Variants in UNC45B observed in about 807,000 individuals in gnomAD.
UNC45B encodes the protein protein unc-45 homolog B.
Under a neutral mutation model 98.7 loss-of-function variants are expected in UNC45B, and 78 were observed. The ratio of observed to expected loss-of-function variants is 0.79; its 90% CI spans 0.66 to 0.95. UNC45B has a LOEUF of 0.95. Among genes scored for constraint, UNC45B ranks in the 40% least tolerant of loss-of-function variants. The pLI is 0.00. For missense variants in UNC45B, 1,225 were observed against 1,184.9 expected, an observed-to-expected ratio of 1.03 and a Z score of -0.50; for synonymous variants, 462 against 480.4, an observed-to-expected ratio of 0.96 and a Z score of 0.50.
At chr17:35,182,325 G>A (rs180827506) in intron 18 of UNC45B, among the ~76,000 whole-genome samples, 10 of 152,042 alleles carry the variant, frequency 6.6e-5, no homozygotes, top group East Asian at 3.9e-4. Context: ...TCCTGACCTC[G>A]TGGTCTGCCT....
At position 35,186,438 on chromosome 17, in the gene UNC45B, T is replaced by G; in HGVS notation, c.2669T>G (p.Leu890Arg). Reference sequence around the variant, plus strand: ...AAGAAGCTGGTGGAGAGTGAGCTGCTGGAGATCCTGACTGTGGTGGGCAAA... The same window carrying G: ...AAGAAGCTGGTGGAGAGTGAGCTGCGGGAGATCCTGACTGTGGTGGGCAAA... ...LAKKLVESEL[L>R]EILTVVGKQE... The change falls in exon 20 of 20, where the codon CTG becomes CGG. Residue 890 changes from leucine to arginine, a missense_variant. By Grantham distance (102) the Leu-to-Arg change is moderately radical (BLOSUM62 -2). Coordinates refer to ENST00000394570, the MANE Select transcript of UNC45B (RefSeq NM_001267052.2). The G allele has an allele frequency of 6.2e-7, 1 of 1,614,212 alleles. No individual in the cohort carries two copies. Among genetic ancestry groups the G allele is most frequent in the Admixed American group, 1.7e-5 (1 of 60,024 alleles).
rs534465542 is a variant in UNC45B at position 35,169,765 on chromosome 17, T to G, written c.1453-72T>G. On this transcript the variant is annotated intron_variant, in intron 10 of 19. Transcript: ENST00000394570. ...AGTGTTCTGGCCATAGAAACCTGTT[T>G]GAGCAAGGCTTCATCCCCAAGCCTT... 290 of 1,382,604 alleles carry G rather than the reference T, an allele frequency of 2.1e-4. 1 individual carries two copies. The African/African-American group carries it at 3.8e-3, about 18-fold the overall frequency. The allele number at this position is 1,382,604 out of a possible 1,614,324, so 85.6% of individuals were successfully genotyped here. A position where few individuals can be genotyped will look rare whatever the true frequency, so the allele number is the denominator to read the frequency against.
rs113076257 is a variant in UNC45B at position 35,167,185 on chromosome 17, G to T, written c.1152-876G>T. On this transcript the variant is annotated intron_variant, in intron 9 of 19. Transcript: ENST00000394570. ...GCATCACGCTAGGCCTTTTTGTGTT[G>T]TTGTCAATGCTGTACTGTCCTCCCA... is the stretch of plus-strand genomic sequence containing the variant. Among the ~76,000 whole-genome samples the T allele has an allele frequency of 4.6e-3, 700 of 152,302 alleles. 8 individuals are homozygous for T. Among genetic ancestry groups the T allele is most frequent in the African/African-American group, 0.015 (643 of 41,556 alleles).
chr17:35,148,706 C>T (rs927677239), intron 2 of UNC45B, among the ~76,000 whole-genome samples: 4 of 152,120 alleles, frequency 2.6e-5, no homozygotes, highest in African/African-American at 9.7e-5. Flanking sequence ...CTCCCCCTAT[C>T]GCAGGTAAGA....
intron 14 of UNC45B, among the ~76,000 whole-genome samples, chr17:35,174,586 C>G (rs1567765526): frequency 6.6e-6 from 1 of 152,066 alleles, no homozygotes; most frequent in African/African-American, 2.4e-5. Context: ...TTGGGAGGCC[C>G]AGGTGGGAGG....
At chr17:35,148,041 T>G in intron 1 of UNC45B, 131 bp downstream of exon 1, 2 of 551,558 alleles carry the variant, frequency 3.6e-6, no homozygotes, top group African/African-American at 1.9e-5. Context: ...GGACAGAGAG[T>G]GAGGCACAGG....
intron 5 of UNC45B, among the ~76,000 whole-genome samples, chr17:35,154,027 C>T (rs899993563): frequency 6.6e-6 from 1 of 152,064 alleles, no homozygotes; most frequent in Non-Finnish European, 1.5e-5. Context: ...AGAGAAGTGC[C>T]GTGACTCACC....
Position 35,149,906 on chromosome 17 carries a change from G to T in UNC45B, c.206-142G>T. 3.5e-6 allele frequency: 3 copies of T among 851,338 alleles called. No homozygotes were observed. The East Asian group carries it at 8.7e-5, about 25-fold the overall frequency. The allele number at this position is 851,338 out of a possible 1,614,324, so 52.7% of individuals were successfully genotyped here. A position where few individuals can be genotyped will look rare whatever the true frequency, so the allele number is the denominator to read the frequency against. The stretch of plus-strand genomic sequence containing the variant: ...TCTCCCTAACAAAGGGGAGGTAAGG[G>T]CCAGAGAGTCCACATGGATGGATAA... On this transcript the variant is annotated intron_variant, in intron 3 of 19. Coordinates refer to ENST00000394570, the MANE Select transcript of UNC45B (RefSeq NM_001267052.2).
At chr17:35,155,541 C>T in intron 7 of UNC45B, 77 bp downstream of exon 7, 1 of 1,476,690 alleles carries the variant, frequency 6.8e-7, no homozygotes, top group East Asian at 2.3e-5. Flanking sequence ...CTGGGAATTC[C>T]CTGTATGTGG....
At chr17:35,177,635 G>A (rs1279668726) in intron 17 of UNC45B, 25 bp downstream of exon 17, 2 of 1,490,202 alleles carry the variant, frequency 1.3e-6, no homozygotes, top group Admixed American at 2.0e-5. Flanking sequence ...TGTGGCAGGG[G>A]TGGAGAGAGG....
chr17:35,157,592 G>T (rs1307355533), intron 7 of UNC45B, among the ~76,000 whole-genome samples: 1 of 152,146 alleles, frequency 6.6e-6, no homozygotes, highest in Non-Finnish European at 1.5e-5. Context: ...TCTATATCTT[G>T]CTCTCTAATT....
chr17:35,176,922 T>G, intron 15 of UNC45B, 95 bp from the exon 16 acceptor site: 1 of 924,108 alleles, frequency 1.1e-6, no homozygotes, highest in Non-Finnish European at 1.7e-6. Context: ...TTCCTGGACC[T>G]CCCATGGGAC....
At chr17:35,184,061 C>T (rs2092289544) in intron 19 of UNC45B, among the ~76,000 whole-genome samples, 1 of 152,174 alleles carries the variant, frequency 6.6e-6, no homozygotes, top group Non-Finnish European at 1.5e-5. Context: ...CGTGGGAGTG[C>T]ACAATGAAAC....
At chr17:35,169,736 G>A in intron 10 of UNC45B, 101 bp from the exon 11 acceptor site, 3 of 988,834 alleles carry the variant, frequency 3.0e-6, no homozygotes, top group Admixed American at 3.9e-5. Flanking sequence ...AGAAAGAGGG[G>A]CGAAGTGTTC....
chr17:35,174,478 T>C, intron 14 of UNC45B, 109 bp downstream of exon 14: 4 of 1,431,080 alleles, frequency 2.8e-6, no homozygotes, highest in African/African-American at 1.4e-5. Flanking sequence ...AATGAGGAGA[T>C]AAACTATTGG....
chr17:35,183,965 C>T (rs2092288992), intron 19 of UNC45B, among the ~76,000 whole-genome samples: 1 of 152,206 alleles, frequency 6.6e-6, no homozygotes, highest in Non-Finnish European at 1.5e-5. Context: ...GCTGCAGATT[C>T]TCTTAAGTGG....
chr17:35,185,187 G>A (rs550835834), intron 19 of UNC45B, among the ~76,000 whole-genome samples: 19 of 152,226 alleles, frequency 1.2e-4, no homozygotes, highest in East Asian at 3.9e-4. Context: ...TCTTCCCCCC[G>A]TGTCTGTCTA....
chr17:35,173,280 C>G (rs912052632), intron 13 of UNC45B, among the ~76,000 whole-genome samples: 13 of 152,138 alleles, frequency 8.5e-5, no homozygotes, highest in African/African-American at 3.1e-4. Flanking sequence ...CACGCTCCAC[C>G]ATGCCCAGCT....
At position 35,155,289 on chromosome 17, in the gene UNC45B, G is replaced by C; in HGVS notation, c.640-7G>C. Reference sequence around the variant, plus strand: ...GCAGCTGACCATGGTTCTTGCTGGGGTTCTAGGCCACAGTGATTCTGCATG... The same window carrying C: ...GCAGCTGACCATGGTTCTTGCTGGGCTTCTAGGCCACAGTGATTCTGCATG... On this transcript the variant is annotated splice_polypyrimidine_tract_variant and splice_region_variant and intron_variant, in intron 6 of 19. Coordinates refer to ENST00000394570, the MANE Select transcript of UNC45B (RefSeq NM_001267052.2). 6.2e-7 allele frequency: 1 copy of C among 1,613,448 alleles called. No homozygotes were observed. Among genetic ancestry groups the C allele is most frequent in the Non-Finnish European group, 8.5e-7 (1 of 1,179,692 alleles).
Sources: allele counts gnomAD v4.1 joint callset (sites outside exome capture counted in the v4.1 genomes callset), GRCh38; gene constraint gnomAD v4.1.1; transcripts MANE v1.5; gene names NCBI Gene and HGNC (gene_info 2026-07-23, HGNC 2026-07-21).